Variants in KCNT1 observed in about 807,000 individuals in gnomAD.
The protein encoded by KCNT1 is potassium channel subfamily T member 1.
Under a neutral mutation model 147.8 loss-of-function variants are expected in KCNT1, and 78 were observed. The observed-to-expected ratio is 0.53, with a 90% confidence interval of 0.44 to 0.64. The LOEUF is 0.64. KCNT1 is among the 30% of genes least tolerant of loss of function. The pLI, the probability that KCNT1 is intolerant of heterozygous loss-of-function variation, is 0.00. For missense variants in KCNT1, 1,419 were observed against 1,750.3 expected (o/e 0.81, Z 3.38); for synonymous variants, 867 against 748.8 (o/e 1.16, Z -2.58).
intron 1 of KCNT1, among the ~76,000 whole-genome samples, chr9:135,712,078 G>A (rs1835520347): frequency 6.6e-6 from 1 of 152,214 alleles, no homozygotes; most frequent in South Asian, 2.1e-4. Context: ...CACTCTCTGG[G>A]CCTGCAGGGT....
chr9:135,742,586 C>T (rs1376128798), intron 2 of KCNT1, among the ~76,000 whole-genome samples: 6 of 147,310 alleles, frequency 4.1e-5, no homozygotes, highest in South Asian at 2.2e-4. Context: ...CTCCCGTGCC[C>T]GGGGGCGCCA....
intron 15 of KCNT1, 112 bp downstream of exon 15, chr9:135,769,049 CTG>C (rs1564368109): frequency 6.1e-6 from 5 of 818,872 alleles, no homozygotes; most frequent in African/African-American, 3.8e-5. Flanking sequence ...GACGGTGCGT[CTG>C]GGGCAGGACG....
At position 135,793,524 on chromosome 9, in the gene KCNT1, G is replaced by A. The variant is rs1834687712; in HGVS notation, c.*1363G>A. ...GGCTGCTGGGGATCCCCTACACTGG[G>A]GGTCAGGGCTGCCCCAGGTGGGGAT... is the stretch of plus-strand genomic sequence containing the variant. On this transcript the variant is annotated 3_prime_UTR_variant, in exon 31 of 31. Coordinates refer to ENST00000371757, the MANE Select transcript of KCNT1 (RefSeq NM_020822.3). The A allele has an allele frequency of 6.6e-6, 1 of 152,336 alleles. No homozygotes were observed. The highest frequency in any genetic ancestry group is 1.5e-5 in the Non-Finnish European group (1 of 68,140). 9.4% of individuals were successfully genotyped at this position (152,336 alleles called of 1,614,324 possible).
intron 29 of KCNT1, 73 bp downstream of exon 29, chr9:135,786,594 C>T (rs1401713403): frequency 9.4e-6 from 13 of 1,388,572 alleles, no homozygotes; most frequent in South Asian, 5.7e-5. Context: ...CAAGAACAGT[C>T]GGCCACGGCG....
rs917827851 is a variant in KCNT1, at chr9:135,792,199, G to A, written c.*38G>A. On this transcript the variant is annotated 3_prime_UTR_variant, in exon 31 of 31. Coordinates refer to ENST00000371757, the MANE Select transcript of KCNT1 (RefSeq NM_020822.3). ...CGGAGCTCAGGCCACCAAGCCCGGG[G>A]TCCTCAGGAAGGACGTGGAGGAGCG... 16 of 1,590,966 alleles carry A rather than the reference G, an allele frequency of 1.0e-5. No individual in the cohort carries two copies. The African/African-American group carries it at 1.2e-4, about 12-fold the overall frequency.
intron 1 of KCNT1, among the ~76,000 whole-genome samples, chr9:135,702,621 G>A (rs527478417): frequency 6.6e-6 from 1 of 152,152 alleles, no homozygotes; most frequent in Non-Finnish European, 1.5e-5. Context: ...AAGCTGGGGG[G>A]AGCGGCCGTG....
At chr9:135,742,758 C>T in intron 2 of KCNT1, 1 of 717,456 alleles carries the variant, frequency 1.4e-6, no homozygotes, top group South Asian at 1.5e-5. Context: ...GTTGATGCCC[C>T]TCTGTGTCCC....
intron 6 of KCNT1, among the ~76,000 whole-genome samples, chr9:135,756,477 G>A (rs946732227): frequency 2.6e-5 from 4 of 152,114 alleles, no homozygotes; most frequent in Admixed American, 6.5e-5. Context: ...GTTCCAGAGG[G>A]GTCAGTAGAT....
At chr9:135,791,962 A>T (rs1334676837) in intron 30 of KCNT1, 79 bp from the exon 31 acceptor site, 6 of 1,609,532 alleles carry the variant, frequency 3.7e-6, no homozygotes, top group Non-Finnish European at 5.1e-6. Flanking sequence ...CAGGCACCAC[A>T]GTGGGGCCGC....
At chr9:135,719,379 G>T (rs554089045) in intron 2 of KCNT1, among the ~76,000 whole-genome samples, 5 of 152,348 alleles carry the variant, frequency 3.3e-5, no homozygotes, top group Admixed American at 1.3e-4. Context: ...GTCTGTGGCA[G>T]TGGAGGTGCG....
At chr9:135,726,058 A>AC (rs889281850) in intron 2 of KCNT1, among the ~76,000 whole-genome samples, 2 of 151,168 alleles carry the variant, frequency 1.3e-5, no homozygotes, top group African/African-American at 4.9e-5. Flanking sequence ...AGGGCAAGAG[A>AC]CCCCCACATC....
At chr9:135,790,972 GTC>G (rs978717154) in intron 29 of KCNT1, 1 of 152,338 alleles carries the variant, frequency 6.6e-6, no homozygotes, top group African/African-American at 2.4e-5. Context: ...TGGGGGGGCT[GTC>G]TCTCCAGGAC....
chr9:135,768,029 GC>G (rs1832410273), intron 13 of KCNT1, among the ~76,000 whole-genome samples: 1 of 146,978 alleles, frequency 6.8e-6, no homozygotes, highest in Non-Finnish European at 1.5e-5. Flanking sequence ...GCCCCCACCC[GC>G]TGTCAGCCTG....
chr9:135,774,066 G>T (rs11507055), intron 19 of KCNT1, among the ~76,000 whole-genome samples: 7 of 151,794 alleles, frequency 4.6e-5, no homozygotes, highest in Non-Finnish European at 8.8e-5. Context: ...TATGTGTGTG[G>T]TGTGTGTCCA....
At position 135,714,751 on chromosome 9, in the gene KCNT1, G is replaced by T; in HGVS notation, c.254+31G>T. 1 of 1,241,366 alleles carries T rather than the reference G, an allele frequency of 8.1e-7. No homozygotes were observed. Among genetic ancestry groups the T allele is most frequent in the Non-Finnish European group, 1.0e-6 (1 of 978,264 alleles). 76.9% of individuals were successfully genotyped at this position (1,241,366 alleles called of 1,614,324 possible). On this transcript the variant is annotated intron_variant, in intron 2 of 30. Transcript: ENST00000371757. This position sits in a 1 kb window ranked among gnomAD's most constrained non-coding sequence, Gnocchi z 6.2. ...GACCGGGCGCGGGGTGGGGGCTGGG[G>T]TCGCCGTCCCGGCGCCGCCGCACGC...
At chr9:135,729,247 A>G (rs1836335491) in intron 2 of KCNT1, among the ~76,000 whole-genome samples, 1 of 152,224 alleles carries the variant, frequency 6.6e-6, no homozygotes, top group Non-Finnish European at 1.5e-5. Context: ...GAAGAGGTGA[A>G]GTGACTGGAG....
chr9:135,785,381 G>A (rs756827646), intron 28 of KCNT1, 51 bp downstream of exon 28: 14 of 1,610,342 alleles, frequency 8.7e-6, no homozygotes, highest in South Asian at 3.3e-5. Flanking sequence ...CCAGAACATC[G>A]CAGCTTCACA....
intron 21 of KCNT1, 69 bp from the exon 22 acceptor site, chr9:135,778,355 G>T: frequency 7.1e-7 from 1 of 1,410,162 alleles, no homozygotes; most frequent in Non-Finnish European, 9.7e-7. Flanking sequence ...GGAGGGTAGG[G>T]CCCCACTGGG....
At chr9:135,784,698 G>A (rs980647169) in intron 26 of KCNT1, 63 bp from the exon 27 acceptor site, 53 of 1,608,516 alleles carry the variant, frequency 3.3e-5, no homozygotes, top group Admixed American at 1.0e-4. Context: ...CCTGATTCAC[G>A]GTGGCCAGGA....
Sources: gnomAD v4.1 joint callset for allele counts (sites outside exome capture counted in the v4.1 genomes callset) on GRCh38, gnomAD v4.1.1 for gene constraint, Gnocchi (gnomAD v3.1) non-coding constraint, MANE v1.5 for transcripts, NCBI Gene and HGNC (gene_info 2026-07-23, HGNC 2026-07-21) for gene names.